The following TMA16 variants were observed in gnomAD, a reference collection of about 807,000 sequenced individuals.
TMA16 encodes the protein translation machinery associated 16 homolog, also known as translation machinery-associated protein 16.
A neutral mutation model predicts 27.1 loss-of-function variants in TMA16; 26 were observed. The ratio of observed to expected loss-of-function variants is 0.96; its 90% CI spans 0.70 to 1.33. The LOEUF is 1.33. Among genes scored for constraint, TMA16 ranks in the 40% most tolerant of loss-of-function variants. The pLI is 0.00. For missense variants in TMA16, 233 were observed against 241.4 expected (o/e 0.97, Z 0.23); for synonymous variants, 71 against 81.9 (o/e 0.87, Z 0.72).
intron 1 of TMA16, among the ~76,000 whole-genome samples, chr4:163,501,918 T>C (rs577502204): frequency 3.9e-5 from 6 of 152,320 alleles, no homozygotes; most frequent in Admixed American, 3.9e-4. Context: ...TGATCCATTT[T>C]CTAGCCAGCA....
intron 1 of TMA16, among the ~76,000 whole-genome samples, chr4:163,505,353 C>T (rs922165980): frequency 6.6e-6 from 1 of 152,148 alleles, no homozygotes; most frequent in Non-Finnish European, 1.5e-5. Flanking sequence ...TAACCAACTT[C>T]CAGTGATACC....
rs561742017 is a variant in TMA16 at position 163,509,225 on chromosome 4, A to G, written c.116+2080A>G. 8.5e-5 allele frequency among the ~76,000 whole-genome samples: 13 copies of G among 152,288 alleles called. No homozygotes were observed. In the East Asian group the frequency reaches 2.5e-3, roughly 29 times the overall value. ...CTTTAAATGGGAATGTGGTCACAAA[A>G]GGCACGTTGAAACGCTGCTGATTCC... On this transcript the variant is annotated intron_variant, in intron 2 of 6. Transcript: ENST00000358572.
chr4:163,510,145 C>T (rs969910886), intron 2 of TMA16, among the ~76,000 whole-genome samples: 2 of 152,272 alleles, frequency 1.3e-5, no homozygotes, highest in East Asian at 3.9e-4. Context: ...AGATTCTTCC[C>T]TCCAGCCTTA....
At chr4:163,500,476 G>GTCCA (rs1272127306) in intron 1 of TMA16, among the ~76,000 whole-genome samples, 10 of 152,134 alleles carry the variant, frequency 6.6e-5, no homozygotes, top group Non-Finnish European at 1.2e-4. Context: ...TTCCCAAAGT[G>GTCCA]CTGGGGTTAC....
intron 4 of TMA16, among the ~76,000 whole-genome samples, chr4:163,514,993 G>T (rs796569340): frequency 1.3e-4 from 20 of 152,160 alleles, no homozygotes; most frequent in African/African-American, 4.8e-4. Context: ...GGGGTTTGGT[G>T]GGGGGTAGGT....
chr4:163,494,877 G>T, intron 1 of TMA16, 73 bp downstream of exon 1: 2 of 1,600,726 alleles, frequency 1.2e-6, no homozygotes, highest in South Asian at 1.1e-5. Flanking sequence ...GGCAGAGAGG[G>T]AGGGTGCGGT....
In TMA16 at chr4:163,519,885, G is replaced by A. The variant is rs1181749020; in HGVS notation, c.*371G>A. ...CCTGTTTCCTGAAAGATTCCTGTGG[G>A]TACTTTTTGAGCTGTGATAATAGCA... On this transcript the variant is annotated 3_prime_UTR_variant, in exon 7 of 7. Coordinates refer to ENST00000358572, the MANE Select transcript of TMA16 (RefSeq NM_018352.3). 1.9e-6 allele frequency: 1 copy of A among 530,436 alleles called. No individual in the cohort carries two copies. Among genetic ancestry groups the A allele is most frequent in the Non-Finnish European group, 3.3e-6 (1 of 299,842 alleles). The allele number at this position is 530,436 out of a possible 1,614,324, so 32.9% of individuals were successfully genotyped here. A position where few individuals can be genotyped will look rare whatever the true frequency, so the allele number is the denominator to read the frequency against.
chr4:163,495,997 G>A (rs1036458351), intron 1 of TMA16, among the ~76,000 whole-genome samples: 1 of 152,162 alleles, frequency 6.6e-6, no homozygotes, highest in Non-Finnish European at 1.5e-5. Context: ...AGATAGATTG[G>A]TATTTGACTG....
chr4:163,506,357 G>A (rs1434989380), intron 1 of TMA16, among the ~76,000 whole-genome samples: 1 of 152,040 alleles, frequency 6.6e-6, no homozygotes, highest in African/African-American at 2.4e-5. Flanking sequence ...TTATTACAGA[G>A]AGCCAAATAT....
At chr4:163,503,769 T>C (rs142623875) in intron 1 of TMA16, among the ~76,000 whole-genome samples, 20 of 152,298 alleles carry the variant, frequency 1.3e-4, no homozygotes, top group African/African-American at 4.8e-4. Context: ...AGAGTTTTAC[T>C]TTAGTTTTTC....
At position 163,515,417 on chromosome 4, in the gene TMA16, A is replaced by G; in HGVS notation, c.344A>G (p.Gln115Arg). The change falls in exon 5 of 7, where the codon CAG becomes CGG. Residue 115 changes from glutamine (Q) to arginine (R), a missense_variant. Transcript: ENST00000358572. ...TGTTCCCGGGAGACCGTCATCAAGC[A>G]GACGATGGAGCGGGAGCGACAGCAG... ...RHCSRETVIK[Q>R]TMERERQQFE... 1 of 1,614,104 alleles carries G rather than the reference A, an allele frequency of 6.2e-7. No individual in the cohort carries two copies. Among genetic ancestry groups the G allele is most frequent in the Non-Finnish European group, 8.5e-7 (1 of 1,180,004 alleles).
Position 163,494,712 on chromosome 4 carries a change from C to T in TMA16, c.-90C>T, listed in dbSNP as rs562084890. Reference sequence around the variant, plus strand: ...CTCAGGCGCCACGTGGGATTCGGCCCGGGTGCTCTTGTGAGCTGCTGCTCC... The same window carrying T: ...CTCAGGCGCCACGTGGGATTCGGCCTGGGTGCTCTTGTGAGCTGCTGCTCC... On this transcript the variant is annotated 5_prime_UTR_variant, in exon 1 of 7. Coordinates refer to ENST00000358572, the MANE Select transcript of TMA16 (RefSeq NM_018352.3). 1.6e-4 allele frequency: 257 copies of T among 1,584,550 alleles called. No homozygotes were observed. The highest frequency in any genetic ancestry group is 1.2e-3 in the East Asian group (54 of 44,700).
intron 1 of TMA16, 37 bp downstream of exon 1, chr4:163,494,841 G>T (rs370848427): frequency 1.2e-6 from 2 of 1,609,806 alleles, no homozygotes; most frequent in Non-Finnish European, 1.7e-6. Context: ...CGCTCGGTTG[G>T]TTCCCCGGAA....
chr4:163,515,401 G>A lies in TMA16; in HGVS notation c.328G>A (p.Glu110Lys). 6.2e-7 allele frequency: 1 copy of A among 1,614,122 alleles called. No homozygotes were observed. The highest frequency in any genetic ancestry group is 1.1e-5 in the South Asian group (1 of 91,078). Reference sequence around the variant, plus strand: ...GCAGGGGAGGCGGCACTGTTCCCGGGAGACCGTCATCAAGCAGACGATGGA... The same window carrying A: ...GCAGGGGAGGCGGCACTGTTCCCGGAAGACCGTCATCAAGCAGACGATGGA... ...DRQGRRHCSR[E>K]TVIKQTMERE... Residue 110 changes from glutamate (E) to lysine (K), a missense_variant, in exon 5 of 7, where the codon GAG (glutamate) becomes AAG (lysine). Physicochemically the swap from Glu to Lys is moderately conservative, Grantham distance 56. Transcript: ENST00000358572.
chr4:163,500,983 A>G (rs2110791642), intron 1 of TMA16, among the ~76,000 whole-genome samples: 1 of 152,332 alleles, frequency 6.6e-6, no homozygotes, highest in African/African-American at 2.4e-5. Context: ...AAGTTTTTCA[A>G]AATGCTTTTG....
intron 1 of TMA16, among the ~76,000 whole-genome samples, chr4:163,506,182 G>A (rs1290312289): frequency 6.6e-6 from 1 of 152,102 alleles, no homozygotes; most frequent in East Asian, 1.9e-4. Context: ...TGTAGACCTG[G>A]TATTAGGCTG....
chr4:163,513,998 T>C, intron 3 of TMA16, 76 bp from the exon 4 acceptor site: 3 of 1,183,284 alleles, frequency 2.5e-6, no homozygotes, highest in Non-Finnish European at 3.5e-6. Flanking sequence ...ACGTTAATGT[T>C]GAAAATGATA....
chr4:163,505,228 C>A (rs1737703939), intron 1 of TMA16, among the ~76,000 whole-genome samples: 1 of 152,124 alleles, frequency 6.6e-6, no homozygotes, highest in South Asian at 2.1e-4. Flanking sequence ...ACTTTAATCT[C>A]AAAAATTCCT....
intron 5 of TMA16, 42 bp downstream of exon 5, chr4:163,515,503 C>G: frequency 1.9e-6 from 3 of 1,544,522 alleles, no homozygotes; most frequent in Non-Finnish European, 2.6e-6. Context: ...TATGACATAG[C>G]AGTATCAATT....
Sources: allele counts gnomAD v4.1 joint callset (sites outside exome capture counted in the v4.1 genomes callset), GRCh38; gene constraint gnomAD v4.1.1; transcripts MANE v1.5; gene names NCBI Gene and HGNC (gene_info 2026-07-23, HGNC 2026-07-21).